ZZEF1: variants seen among roughly 807,000 people sequenced by gnomAD.
The protein encoded by ZZEF1 is zinc finger ZZ-type and EF-hand domain containing 1, also known as zinc finger ZZ-type and EF-hand domain-containing protein 1.
ZZEF1 carries 157 observed loss-of-function variants against 342.8 expected under a neutral mutation model. The ratio of observed to expected loss-of-function variants is 0.46; its 90% CI spans 0.40 to 0.52. ZZEF1 has a LOEUF of 0.52. Among genes scored for constraint, ZZEF1 ranks in the 20% least tolerant of loss-of-function variants. ZZEF1 has a pLI of 0.00. For synonymous variants in ZZEF1, 1,505 were observed against 1,429.1 expected, an observed-to-expected ratio of 1.05 and a Z score of -1.20; for missense variants, 3,480 against 3,725.6, an observed-to-expected ratio of 0.93 and a Z score of 1.72.
At chr17:4,036,799 ACACACACACACACACACACTCTCT>A (rs1416727384) in intron 39 of ZZEF1, among the ~76,000 whole-genome samples, 29 of 94,558 alleles carry the variant, frequency 3.1e-4, no homozygotes, top group African/African-American at 2.3e-3. Context: ...ACACACACAC[ACACACACACACACACACACTCTCT>A]CTCTCTCTCT....
chr17:4,060,172 A>G (rs1225613866), intron 30 of ZZEF1, among the ~76,000 whole-genome samples: 2 of 152,234 alleles, frequency 1.3e-5, no homozygotes, highest in African/African-American at 4.8e-5. Context: ...AAGCAAGCTG[A>G]CTAGTATGAC....
intron 42 of ZZEF1, among the ~76,000 whole-genome samples, chr17:4,028,373 C>T (rs1300059025): frequency 3.9e-5 from 6 of 152,004 alleles, no homozygotes; most frequent in African/African-American, 1.4e-4. Context: ...CATGACAAAA[C>T]CCTATCTCTA....
At chr17:4,054,908 G>C (rs545642369) in intron 33 of ZZEF1, among the ~76,000 whole-genome samples, 17 of 152,160 alleles carry the variant, frequency 1.1e-4, no homozygotes, top group Non-Finnish European at 5.9e-5. Flanking sequence ...GCGTAGATTT[G>C]AGGTGTTGAG....
intron 31 of ZZEF1, among the ~76,000 whole-genome samples, chr17:4,058,790 C>A (rs1051735971): frequency 6.6e-6 from 1 of 152,158 alleles, no homozygotes; most frequent in Non-Finnish European, 1.5e-5. Context: ...GTGAGTAGAT[C>A]AATTGAGCCT....
intron 41 of ZZEF1, 133 bp downstream of exon 41, chr17:4,032,695 G>A: frequency 1.2e-6 from 1 of 868,078 alleles, no homozygotes; most frequent in Non-Finnish European, 1.7e-6. Flanking sequence ...TACTACAAAA[G>A]CAAGGTGTAC....
At chr17:4,049,016 A>C (rs1310121148) in intron 37 of ZZEF1, among the ~76,000 whole-genome samples, 1 of 151,334 alleles carries the variant, frequency 6.6e-6, no homozygotes, top group Non-Finnish European at 1.5e-5. Flanking sequence ...CTGGCCAATT[A>C]ATTTCTTTAG....
rs1386431840 is a variant in ZZEF1, at chr17:4,114,474, T to C, written c.695-4A>G. 1.3e-6 allele frequency: 2 copies of C among 1,513,566 alleles called. No homozygotes were observed. Among genetic ancestry groups the C allele is most frequent in the African/African-American group, 1.4e-5 (1 of 70,914 alleles). The allele number at this position is 1,513,566 out of a possible 1,614,324, so 93.8% of individuals were successfully genotyped here. A position where few individuals can be genotyped will look rare whatever the true frequency, so the allele number is the denominator to read the frequency against. On this transcript the variant is annotated splice_region_variant and splice_polypyrimidine_tract_variant and intron_variant, in intron 3 of 54. Transcript: ENST00000381638. Reference sequence around the variant, plus strand: ...CTAGTTAGATCTCCAGGGCTTTCTGTAGGGGAAACCAGAGTTGATTATATG... The same window carrying C: ...CTAGTTAGATCTCCAGGGCTTTCTGCAGGGGAAACCAGAGTTGATTATATG...
At chr17:4,130,350 G>A (rs1245227020) in intron 1 of ZZEF1, among the ~76,000 whole-genome samples, 2 of 152,180 alleles carry the variant, frequency 1.3e-5, no homozygotes, top group Non-Finnish European at 2.9e-5. Flanking sequence ...CTACTAGGGA[G>A]GCTGAGGCAG....
chr17:4,130,862 G>T (rs955160385), intron 1 of ZZEF1, among the ~76,000 whole-genome samples: 1 of 152,106 alleles, frequency 6.6e-6, no homozygotes, highest in East Asian at 1.9e-4. Context: ...TTTTAAGACT[G>T]AGGAAAAAGG....
intron 42 of ZZEF1, among the ~76,000 whole-genome samples, chr17:4,028,817 A>T (rs1221868892): frequency 6.6e-6 from 1 of 152,214 alleles, no homozygotes; most frequent in East Asian, 1.9e-4. Flanking sequence ...ACTATAAGGG[A>T]CTAATCCACG....
At chr17:4,007,575 A>G (rs1257324772) in intron 54 of ZZEF1, among the ~76,000 whole-genome samples, 1 of 152,208 alleles carries the variant, frequency 6.6e-6, no homozygotes, top group African/African-American at 2.4e-5. Flanking sequence ...GGACCCGCCC[A>G]CAGGCAAGCC....
At chr17:4,033,936 G>C in intron 40 of ZZEF1, 79 bp downstream of exon 40, 1 of 1,555,422 alleles carries the variant, frequency 6.4e-7, no homozygotes, top group Non-Finnish European at 8.8e-7. Context: ...TTAATCAACA[G>C]CCAGACCTTC....
chr17:4,044,348 G>A lies in ZZEF1; in HGVS notation c.6042C>T (p.Ile2014=). ...GNGKRAVHEE[I]RPVDFKQRNK... ...TTCTCTGCTTGAAATCTACAGGTCT[G>A]ATTTCCTCATGAACAGCTCTCTTTC... Residue 2014 remains isoleucine (I), a synonymous_variant, in exon 38 of 55, where the codon ATC becomes ATT. Coordinates refer to ENST00000381638, the MANE Select transcript of ZZEF1 (RefSeq NM_015113.4). The A allele has an allele frequency of 2.5e-6, 4 of 1,613,630 alleles. No homozygotes were observed. The highest frequency in any genetic ancestry group is 3.4e-6 in the Non-Finnish European group (4 of 1,179,824).
intron 9 of ZZEF1, among the ~76,000 whole-genome samples, chr17:4,102,080 A>G (rs1480183066): frequency 1.3e-5 from 2 of 152,234 alleles, no homozygotes; most frequent in African/African-American, 4.8e-5. Flanking sequence ...ATTCCAAGAG[A>G]AAGAATCCTT....
chr17:4,105,819 G>GAAAATGT lies in ZZEF1; in HGVS notation c.1278-17_1278-11dup, dbSNP rs776787822. ...GTGCCGCAGCGCCTTCCTAGAAGAG[G>GAAAATGT]AAAATGTAAAATGTAATCAGAACAA... On this transcript the variant is annotated splice_polypyrimidine_tract_variant and intron_variant, in intron 6 of 54. Transcript: ENST00000381638. 4.7e-5 allele frequency: 75 copies of GAAAATGT among 1,589,810 alleles called. No individual in the cohort carries two copies. Among genetic ancestry groups the GAAAATGT allele is most frequent in the Non-Finnish European group, 6.0e-5 (70 of 1,172,112 alleles).
At chr17:4,088,606 G>A in intron 13 of ZZEF1, 72 bp downstream of exon 13, 1 of 1,509,550 alleles carries the variant, frequency 6.6e-7, no homozygotes. Flanking sequence ...TTATCAGTTG[G>A]TGTTCATTTC....
intron 37 of ZZEF1, among the ~76,000 whole-genome samples, chr17:4,048,994 A>AG (rs2056988231): frequency 6.6e-6 from 1 of 151,618 alleles, no homozygotes; most frequent in African/African-American, 2.4e-5. Context: ...CTGGGATTAC[A>AG]GGCCACTGTG....
chr17:4,075,518 A>G, intron 21 of ZZEF1, 89 bp from the exon 22 acceptor site: 1 of 1,472,728 alleles, frequency 6.8e-7, no homozygotes, highest in Non-Finnish European at 9.2e-7. Flanking sequence ...TCAGTGCTCC[A>G]GGCAGATGGC....
intron 39 of ZZEF1, among the ~76,000 whole-genome samples, chr17:4,036,811 ACACACACTCT>A (rs773968556): frequency 0.039 from 3,639 of 93,596 alleles, 97 homozygotes; most frequent in Admixed American, 0.12. Flanking sequence ...ACACACACAC[ACACACACTCT>A]CTCTCTCTCT....
Sources: allele counts gnomAD v4.1 joint callset (sites outside exome capture counted in the v4.1 genomes callset), GRCh38; gene constraint gnomAD v4.1.1; transcripts MANE v1.5; gene names NCBI Gene and HGNC (gene_info 2026-07-23, HGNC 2026-07-21).